Variants in ADAM28 observed in about 807,000 individuals in gnomAD.
ADAM28 encodes ADAM metallopeptidase domain 28, also known as disintegrin and metalloproteinase domain-containing protein 28.
A neutral mutation model predicts 101.2 loss-of-function variants in ADAM28; 105 were observed. The ratio of observed to expected loss-of-function variants is 1.04; its 90% confidence interval spans 0.89 to 1.22. The LOEUF is 1.22. ADAM28 is among the 50% of genes most tolerant of loss of function. The probability of loss-of-function intolerance (pLI) is 0.00; values close to 1 mark genes in which losing one functional copy is unlikely to be tolerated. For missense variants in ADAM28, 1,028 were observed against 945.4 expected (o/e 1.09, Z -1.15); for synonymous variants, 322 against 310.6 (o/e 1.04, Z -0.39).
At chr8:24,309,322 A>C (rs1048646949) in intron 2 of ADAM28, among the ~76,000 whole-genome samples, 2 of 152,130 alleles carry the variant, frequency 1.3e-5, no homozygotes, top group East Asian at 3.9e-4. Flanking sequence ...TCTTGAGAAG[A>C]CTTCAAGACC....
At chr8:24,298,713 A>C (rs961255732) in intron 1 of ADAM28, among the ~76,000 whole-genome samples, 12 of 152,154 alleles carry the variant, frequency 7.9e-5, no homozygotes, top group Non-Finnish European at 1.5e-4. Flanking sequence ...AGTCTTAGAA[A>C]GTTGTAGAGT....
intron 1 of ADAM28, 141 bp downstream of exon 1, chr8:24,294,336 G>C (rs879308327): frequency 3.0e-4 from 280 of 946,312 alleles, no homozygotes; most frequent in Non-Finnish European, 4.2e-4. Context: ...AGTTGGGCTG[G>C]TTTTAACCTG....
At chr8:24,338,491 C>T (rs1043804433) in intron 14 of ADAM28, among the ~76,000 whole-genome samples, 6 of 151,510 alleles carry the variant, frequency 4.0e-5, no homozygotes, top group African/African-American at 1.4e-4. Flanking sequence ...ATGCTTTTCC[C>T]TGATTATTCA....
In ADAM28 at chr8:24,358,311, CAT is replaced by C. The variant is rs1816810802; in HGVS notation, c.*3910_*3911del. On this transcript the variant is annotated 3_prime_UTR_variant, in exon 23 of 23. Coordinates refer to ENST00000265769, the MANE Select transcript of ADAM28 (RefSeq NM_014265.6). ...ATTATCAGCTTTAATATTGTTTCAT[CAT>C]ATGTCATTGTTCAAAGAATCCATCT... 6.6e-6 allele frequency: 1 copy of C among 152,130 alleles called. No homozygotes were observed. The highest frequency in any genetic ancestry group is 6.5e-5 in the Admixed American group (1 of 15,270). 9.4% of individuals were successfully genotyped at this position (152,130 alleles called of 1,614,324 possible). A position where few individuals can be genotyped will look rare whatever the true frequency, so the allele number is the denominator to read the frequency against.
intron 18 of ADAM28, 117 bp downstream of exon 18, chr8:24,343,701 G>C (rs1815067264): frequency 1.1e-6 from 1 of 882,512 alleles, no homozygotes; most frequent in African/African-American, 1.7e-5. Flanking sequence ...CTGTTCTGTT[G>C]ATGTTGAATC....
chr8:24,334,930 G>A (rs1813818890), intron 13 of ADAM28, among the ~76,000 whole-genome samples: 1 of 152,168 alleles, frequency 6.6e-6, no homozygotes, highest in African/African-American at 2.4e-5. Flanking sequence ...GAAGAAGTGA[G>A]TTGAAAGGAA....
chr8:24,307,241 C>T (rs188621396), intron 2 of ADAM28, among the ~76,000 whole-genome samples: 2 of 152,288 alleles, frequency 1.3e-5, no homozygotes, highest in East Asian at 3.9e-4. Context: ...CTTCATAGGT[C>T]TCACCCTAGA....
At position 24,332,779 on chromosome 8, in the gene ADAM28, TATG is replaced by T. The variant is rs113543659; in HGVS notation, c.1371+33_1371+35del. On this transcript the variant is annotated intron_variant, in intron 13 of 22. Transcript: ENST00000265769. ...GATTATTTTATTCTATTTTAATAATTATGATTACATTTTTATACATTAACATCT... is the reference window on the plus strand; with the variant it reads ...GATTATTTTATTCTATTTTAATAATTATTACATTTTTATACATTAACATCT... 3,337 of 1,224,192 alleles carry T rather than the reference TATG, an allele frequency of 2.7e-3. 77 individuals are homozygous for T. In the African/African-American group the frequency reaches 0.047, roughly 17 times the overall value. 75.8% of individuals were successfully genotyped at this position (1,224,192 alleles called of 1,614,324 possible). A position where few individuals can be genotyped will look rare whatever the true frequency, so the allele number is the denominator to read the frequency against.
Position 24,323,786 on chromosome 8 carries a change from A to G in ADAM28, c.721-48A>G, listed in dbSNP as rs377433218. 57 of 1,513,520 alleles carry G rather than the reference A, an allele frequency of 3.8e-5. No homozygotes were observed. In the African/African-American group the frequency reaches 6.3e-4, roughly 17 times the overall value. 93.8% of individuals were successfully genotyped at this position (1,513,520 alleles called of 1,614,324 possible). On this transcript the variant is annotated intron_variant, in intron 8 of 22. Transcript: ENST00000265769. ...AAATATATTGAAAATGTTTAAAATGATATCACCATTATAATTAATTGCTTT... is the reference window on the plus strand; with the variant it reads ...AAATATATTGAAAATGTTTAAAATGGTATCACCATTATAATTAATTGCTTT...
Position 24,358,439 on chromosome 8 carries a change from TCTC to T in ADAM28, c.*4039_*4041del, listed in dbSNP as rs1260720098. 3 of 152,162 alleles carry T rather than the reference TCTC, an allele frequency of 2.0e-5. No homozygotes were observed. The highest frequency in any genetic ancestry group is 2.9e-5 in the Non-Finnish European group (2 of 68,020). The allele number at this position is 152,162 out of a possible 1,614,324, so 9.4% of individuals were successfully genotyped here. ...GATAAGCAAGTCTTGCATATTCTTT[TCTC>T]CTCAATTTTTTTTCTCCAAAGTGGG... On this transcript the variant is annotated 3_prime_UTR_variant, in exon 23 of 23. Coordinates refer to ENST00000265769, the MANE Select transcript of ADAM28 (RefSeq NM_014265.6).
chr8:24,326,663 T>C lies in ADAM28; in HGVS notation c.972+28T>C, dbSNP rs1169956044. 5 of 1,586,348 alleles carry C rather than the reference T, an allele frequency of 3.2e-6. No individual in the cohort carries two copies. In the East Asian group the frequency reaches 1.1e-4, roughly 36 times the overall value. ...CTGTATGATGATAAACTGTTGGTTCTATGATTTACATTTATCAAATGCTTT... is the reference window on the plus strand; with the variant it reads ...CTGTATGATGATAAACTGTTGGTTCCATGATTTACATTTATCAAATGCTTT... On this transcript the variant is annotated intron_variant, in intron 10 of 22. Coordinates refer to ENST00000265769, the MANE Select transcript of ADAM28 (RefSeq NM_014265.6).
intron 6 of ADAM28, among the ~76,000 whole-genome samples, chr8:24,314,326 C>G (rs1440187525): frequency 1.3e-5 from 2 of 152,002 alleles, no homozygotes. Context: ...TAGAAATGAG[C>G]AAAATAGACA....
At chr8:24,348,163 C>A (rs1319584982) in intron 18 of ADAM28, among the ~76,000 whole-genome samples, 1 of 151,966 alleles carries the variant, frequency 6.6e-6, no homozygotes, top group Non-Finnish European at 1.5e-5. Flanking sequence ...GGATGTTATG[C>A]ATTTCTTTTA....
chr8:24,322,987 G>A (rs935826620), intron 8 of ADAM28, among the ~76,000 whole-genome samples: 3 of 151,906 alleles, frequency 2.0e-5, no homozygotes, highest in Admixed American at 2.0e-4. Flanking sequence ...TTCAATCCAT[G>A]TTTAAGATTA....
chr8:24,336,143 C>A (rs1487461932), intron 14 of ADAM28: 2 of 984,934 alleles, frequency 2.0e-6, no homozygotes, highest in African/African-American at 3.5e-5. Flanking sequence ...TGCAGAAAGC[C>A]AATAAAGAAA....
In ADAM28 at chr8:24,341,669, C is replaced by T. The variant is rs1401535691; in HGVS notation, c.1742C>T (p.Thr581Ile). ...DNLPWKGRIV[T>I]FLTCKTFDPE... is the part of the protein sequence containing the mutation. ...TTGCCCTGGAAAGGACGGATAGTGA[C>T]TTTCCTGACATGTAAAACATTTGAT... The change falls in exon 16 of 23, where the codon ACT (threonine) becomes ATT (isoleucine). Residue 581 changes from threonine to isoleucine, a missense_variant. Physicochemically the swap from Thr to Ile is moderately conservative, Grantham distance 89. Transcript: ENST00000265769. 7 of 1,613,818 alleles carry T rather than the reference C, an allele frequency of 4.3e-6. No homozygotes were observed. The Admixed American group carries it at 1.2e-4, about 27-fold the overall frequency.
chr8:24,339,628 C>A (rs1814526760), intron 15 of ADAM28, 60 bp downstream of exon 15: 2 of 1,359,194 alleles, frequency 1.5e-6, no homozygotes, highest in South Asian at 2.6e-5. Flanking sequence ...ACACTTCCAG[C>A]TACACATTCT....
chr8:24,313,589 A>G lies in ADAM28; in HGVS notation c.576+9A>G. 1.2e-6 allele frequency: 2 copies of G among 1,611,660 alleles called. No homozygotes were observed. The highest frequency in any genetic ancestry group is 8.5e-7 in the Non-Finnish European group (1 of 1,178,766). On this transcript the variant is annotated intron_variant, in intron 6 of 22. Transcript: ENST00000265769. ...CTGCCACCAAACTAGTAGTATGTGT[A>G]ACTTTATTTATTTGAAATGCTCTCA...
At chr8:24,322,748 T>G (rs1010202216) in intron 8 of ADAM28, 1 of 152,014 alleles carries the variant, frequency 6.6e-6, no homozygotes, top group Non-Finnish European at 1.5e-5. Context: ...TTAACTTCAC[T>G]TTCAGTAACT....
Sources: allele counts gnomAD v4.1 joint callset (sites outside exome capture counted in the v4.1 genomes callset), GRCh38; gene constraint gnomAD v4.1.1; transcripts MANE v1.5; gene names NCBI Gene and HGNC (gene_info 2026-07-23, HGNC 2026-07-21).